NT5DC1: variants seen among roughly 807,000 people sequenced by gnomAD.
NT5DC1 encodes 5'-nucleotidase domain containing 1, also known as 5'-nucleotidase domain-containing protein 1.
Under a neutral mutation model 59.4 loss-of-function variants are expected in NT5DC1, and 42 were observed. The ratio of observed to expected loss-of-function variants is 0.71; its 90% CI spans 0.55 to 0.92. NT5DC1 has a LOEUF of 0.92. Among genes scored for constraint, NT5DC1 ranks in the 40% least tolerant of loss-of-function variants. The pLI, the probability that NT5DC1 is intolerant of heterozygous loss-of-function variation, is 0.00. For missense variants in NT5DC1, 501 were observed against 537.1 expected (o/e 0.93, Z 0.66); for synonymous variants, 172 against 188.1 (o/e 0.91, Z 0.70).
intron 8 of NT5DC1, among the ~76,000 whole-genome samples, chr6:116,229,771 G>A (rs1376008581): frequency 6.6e-6 from 1 of 152,074 alleles, no homozygotes; most frequent in Non-Finnish European, 1.5e-5. Context: ...GGAGAATCAT[G>A]AGCCAACTCT....
At chr6:116,215,999 A>G (rs976766850) in intron 6 of NT5DC1, among the ~76,000 whole-genome samples, 1 of 152,158 alleles carries the variant, frequency 6.6e-6, no homozygotes, top group Non-Finnish European at 1.5e-5. Context: ...AAAGAATTCC[A>G]TAATATACAC....
chr6:116,206,351 C>G (rs1299890522), intron 6 of NT5DC1, among the ~76,000 whole-genome samples: 2 of 151,924 alleles, frequency 1.3e-5, no homozygotes, highest in Non-Finnish European at 2.9e-5. Flanking sequence ...ACACAATTAC[C>G]TAATGGGGTG....
intron 1 of NT5DC1, among the ~76,000 whole-genome samples, chr6:116,104,199 C>T (rs1003902200): frequency 2.6e-5 from 4 of 152,154 alleles, no homozygotes; most frequent in Admixed American, 1.3e-4. Flanking sequence ...TTTCAGAGTA[C>T]AGATGCCCCT....
chr6:116,146,700 C>G (rs1050758527), intron 6 of NT5DC1, among the ~76,000 whole-genome samples: 4 of 151,940 alleles, frequency 2.6e-5, no homozygotes, highest in Non-Finnish European at 5.9e-5. Context: ...TCTTTTTGAT[C>G]TACATTGTTT....
At chr6:116,126,669 C>T (rs915770126) in intron 6 of NT5DC1, among the ~76,000 whole-genome samples, 5 of 152,114 alleles carry the variant, frequency 3.3e-5, no homozygotes, top group Admixed American at 2.6e-4. Context: ...ATCCCTTATT[C>T]ACAACACTAC....
chr6:116,221,292 C>A, intron 7 of NT5DC1, 64 bp downstream of exon 7: 2 of 958,062 alleles, frequency 2.1e-6, no homozygotes, highest in Non-Finnish European at 3.2e-6. Context: ...TAGACCAGGG[C>A]TTTTTTAAAA....
chr6:116,141,678 G>A (rs1779766182), intron 6 of NT5DC1, among the ~76,000 whole-genome samples: 1 of 151,364 alleles, frequency 6.6e-6, no homozygotes, highest in African/African-American at 2.4e-5. Context: ...ATTAACAGAA[G>A]TTTATATTCA....
At chr6:116,172,479 GC>G (rs1562149857) in intron 6 of NT5DC1, among the ~76,000 whole-genome samples, 1 of 151,600 alleles carries the variant, frequency 6.6e-6, no homozygotes, top group Non-Finnish European at 1.5e-5. Flanking sequence ...ACGCCACCAC[GC>G]CCAGCCAATT....
intron 6 of NT5DC1, chr6:116,121,096 A>G: frequency 6.2e-7 from 1 of 1,613,824 alleles, no homozygotes; most frequent in Non-Finnish European, 8.5e-7. Flanking sequence ...CCATATTCCC[A>G]GGGGGTCCAG....
intron 6 of NT5DC1, among the ~76,000 whole-genome samples, chr6:116,204,557 T>C (rs776593787): frequency 6.6e-6 from 1 of 151,900 alleles, no homozygotes; most frequent in Non-Finnish European, 1.5e-5. Context: ...GAAAGCAAAC[T>C]CAGTGTAAAT....
intron 6 of NT5DC1, among the ~76,000 whole-genome samples, chr6:116,158,113 A>T (rs1780242625): frequency 6.6e-6 from 1 of 152,232 alleles, no homozygotes; most frequent in Admixed American, 6.5e-5. Flanking sequence ...TCTAGTTTCA[A>T]TAGCTATTAA....
Position 116,106,346 on chromosome 6 carries a change from T to C in NT5DC1, c.185+11T>C. On this transcript the variant is annotated intron_variant, in intron 2 of 11. Coordinates refer to ENST00000319550, the MANE Select transcript of NT5DC1 (RefSeq NM_152729.3). ...GGATTGGGATTTCTGGTAAGTTCTT[T>C]TTTTTTTTTTTTTTTTAAGTCTGTA... is the stretch of plus-strand genomic sequence containing the variant. 5 of 513,112 alleles carry C rather than the reference T, an allele frequency of 9.7e-6. No individual in the cohort carries two copies. Among genetic ancestry groups the C allele is most frequent in the Non-Finnish European group, 1.5e-5 (5 of 338,534 alleles). The allele number at this position is 513,112 out of a possible 1,614,324, so 31.8% of individuals were successfully genotyped here.
chr6:116,204,163 GA>G (rs1426661938), intron 6 of NT5DC1, among the ~76,000 whole-genome samples: 1 of 151,930 alleles, frequency 6.6e-6, no homozygotes, highest in Non-Finnish European at 1.5e-5. Context: ...GGTGGGGTAA[GA>G]AACACTTCAG....
intron 6 of NT5DC1, among the ~76,000 whole-genome samples, chr6:116,198,546 ATAAT>A (rs1418267701): frequency 1.3e-5 from 2 of 151,902 alleles, no homozygotes; most frequent in African/African-American, 4.8e-5. Flanking sequence ...CCTGGACAGC[ATAAT>A]GAGACCTCAT....
chr6:116,148,542 G>A (rs1321107014), intron 6 of NT5DC1, among the ~76,000 whole-genome samples: 1 of 152,066 alleles, frequency 6.6e-6, no homozygotes, highest in African/African-American at 2.4e-5. Flanking sequence ...GATTTTCATT[G>A]TACTCAGAAT....
Position 116,166,576 on chromosome 6 carries a change from C to A in NT5DC1, c.529+48631C>A, listed in dbSNP as rs1462403879. ...AGTGAGAAACTCCTGGCATCGATCT[C>A]CATTTACCCAGTTTCCCAGATATTT... On this transcript the variant is annotated intron_variant, in intron 6 of 11. Coordinates refer to ENST00000319550, the MANE Select transcript of NT5DC1 (RefSeq NM_152729.3). Among the ~76,000 whole-genome samples the A allele has an allele frequency of 2.0e-5, 3 of 152,186 alleles. No homozygotes were observed. In the East Asian group the frequency reaches 5.8e-4, roughly 29 times the overall value.
At chr6:116,118,902 A>G (rs1779023433) in intron 6 of NT5DC1, 1 of 152,226 alleles carries the variant, frequency 6.6e-6, no homozygotes, top group Non-Finnish European at 1.5e-5. Flanking sequence ...CATATCCATG[A>G]CAACTGTAAA....
At chr6:116,122,593 T>C (rs987895425) in intron 6 of NT5DC1, among the ~76,000 whole-genome samples, 3 of 152,188 alleles carry the variant, frequency 2.0e-5, no homozygotes, top group Non-Finnish European at 4.4e-5. Flanking sequence ...TACAAATATA[T>C]AGTGTTTGAT....
intron 6 of NT5DC1, among the ~76,000 whole-genome samples, chr6:116,195,694 G>A (rs1042320685): frequency 5.0e-4 from 76 of 152,076 alleles, no homozygotes; most frequent in African/African-American, 1.7e-3. Flanking sequence ...TTAGAATATG[G>A]TAGACTCTCT....
Sources: allele counts gnomAD v4.1 joint callset (sites outside exome capture counted in the v4.1 genomes callset), GRCh38; gene constraint gnomAD v4.1.1; transcripts MANE v1.5; gene names NCBI Gene and HGNC (gene_info 2026-07-23, HGNC 2026-07-21).